FRMD4A: variants seen among roughly 807,000 people sequenced by gnomAD.
FRMD4A encodes the protein FERM domain containing 4A.
In FRMD4A, 29 loss-of-function variants were observed where a neutral mutation model predicts 129.1. That is an observed-to-expected ratio of 0.22 (90% CI 0.17 to 0.31). FRMD4A has a LOEUF of 0.31. FRMD4A is among the 10% of genes least tolerant of loss of function. The probability of loss-of-function intolerance (pLI) is 1.00; values close to 1 mark genes in which losing one functional copy is unlikely to be tolerated. For missense variants in FRMD4A, 1,272 were observed against 1,375.8 expected (o/e 0.92, Z 1.19); for synonymous variants, 634 against 571.6 (o/e 1.11, Z -1.56).
chr10:14,154,787 TC>T (rs944026193), intron 2 of FRMD4A, among the ~76,000 whole-genome samples: 22 of 152,338 alleles, frequency 1.4e-4, no homozygotes, highest in African/African-American at 5.3e-4. Flanking sequence ...ATTGCTTTTT[TC>T]CTACCCAACC....
At chr10:13,905,175 A>G (rs1342935394) in intron 2 of FRMD4A, among the ~76,000 whole-genome samples, 4 of 152,046 alleles carry the variant, frequency 2.6e-5, no homozygotes, top group Non-Finnish European at 5.9e-5. Context: ...TTTTGGGGAT[A>G]CCTGCAATGC....
chr10:13,673,390 T>G (rs2083680723), intron 16 of FRMD4A, among the ~76,000 whole-genome samples: 1 of 152,218 alleles, frequency 6.6e-6, no homozygotes, highest in Admixed American at 6.5e-5. Flanking sequence ...TTCTTCCCGC[T>G]GCAAGGCCTT....
At chr10:13,700,137 G>A (rs912675677) in intron 14 of FRMD4A, among the ~76,000 whole-genome samples, 2 of 151,480 alleles carry the variant, frequency 1.3e-5, no homozygotes, top group Non-Finnish European at 2.9e-5. Flanking sequence ...AGTAGAGATG[G>A]GGGTCTCACT....
intron 2 of FRMD4A, among the ~76,000 whole-genome samples, chr10:14,160,296 T>C (rs946927603): frequency 3.8e-4 from 57 of 151,848 alleles, no homozygotes; most frequent in African/African-American, 1.3e-3. Flanking sequence ...CATGCAAAAG[T>C]GAGTTAAAAG....
chr10:13,657,606 G>T, intron 21 of FRMD4A, 84 bp from the exon 22 acceptor site: 1 of 1,443,564 alleles, frequency 6.9e-7, no homozygotes, highest in Non-Finnish European at 9.1e-7. Context: ...GTCCTGAGGA[G>T]GGCACTGGGT....
At chr10:13,847,174 G>A (rs554630084) in intron 3 of FRMD4A, among the ~76,000 whole-genome samples, 55 of 152,290 alleles carry the variant, frequency 3.6e-4, no homozygotes, top group African/African-American at 7.2e-4. Context: ...AGGAATGATG[G>A]GCTTCGGTTG....
chr10:14,144,511 T>C (rs1201378618), intron 2 of FRMD4A, among the ~76,000 whole-genome samples: 1 of 152,152 alleles, frequency 6.6e-6, no homozygotes, highest in African/African-American at 2.4e-5. Context: ...AAACTGAAAA[T>C]TGGAAAACCC....
chr10:13,827,407 T>G (rs1396360373), intron 3 of FRMD4A, among the ~76,000 whole-genome samples: 3 of 152,168 alleles, frequency 2.0e-5, no homozygotes, highest in East Asian at 3.9e-4. Context: ...CCCGACAGGA[T>G]ATTCTGGGTG....
chr10:13,670,573 G>C, intron 16 of FRMD4A, 45 bp from the exon 17 acceptor site: 1 of 1,601,216 alleles, frequency 6.2e-7, no homozygotes, highest in Non-Finnish European at 8.5e-7. Flanking sequence ...AATCAGAGTG[G>C]GGCGTGTCTG....
intron 15 of FRMD4A, among the ~76,000 whole-genome samples, chr10:13,689,205 G>GTT (rs1366538148): frequency 2.6e-5 from 1 of 38,840 alleles, no homozygotes; most frequent in Non-Finnish European, 4.9e-5. Flanking sequence ...TTGCGGGGGG[G>GTT]GGGGGGGGGG....
At chr10:14,199,713 C>T (rs1272993876) in intron 2 of FRMD4A, among the ~76,000 whole-genome samples, 1 of 151,972 alleles carries the variant, frequency 6.6e-6, no homozygotes, top group East Asian at 1.9e-4. Context: ...CCTTTTATTC[C>T]TTTTAATTTC....
chr10:13,998,031 T>C (rs978979383), intron 2 of FRMD4A, among the ~76,000 whole-genome samples: 2 of 152,210 alleles, frequency 1.3e-5, no homozygotes, highest in African/African-American at 4.8e-5. Context: ...CATCATGCCC[T>C]TCTGGGATCC....
At chr10:13,952,805 T>C (rs1432338263) in intron 2 of FRMD4A, among the ~76,000 whole-genome samples, 1 of 152,196 alleles carries the variant, frequency 6.6e-6, no homozygotes, top group Non-Finnish European at 1.5e-5. Context: ...GTGATTCTCC[T>C]GCCTCAGCCT....
In FRMD4A at chr10:13,981,942, T is replaced by C. The variant is rs554975255; in HGVS notation, c.46-123030A>G. Among the ~76,000 whole-genome samples, 37 of 152,196 alleles carry C rather than the reference T, an allele frequency of 2.4e-4. No individual in the cohort carries two copies. The South Asian group carries it at 3.7e-3, about 15-fold the overall frequency. On this transcript the variant is annotated intron_variant, in intron 2 of 24. Transcript: ENST00000357447. ...CAGGTTACCTGCCGGATTATATGTA[T>C]TGGGGCTCAGAAAATGTTACTCAAA...
Position 14,137,144 on chromosome 10 carries a change from C to T in FRMD4A, c.45+192914G>A, listed in dbSNP as rs530908403. The stretch of plus-strand genomic sequence containing the variant: ...ACATGAGCAAATGTTCATAAGGCCT[C>T]GCCTCCACAGGAGTCTCCTCACTTC... On this transcript the variant is annotated intron_variant, in intron 2 of 24. Transcript: ENST00000357447. 1.4e-4 allele frequency among the ~76,000 whole-genome samples: 22 copies of T among 152,370 alleles called. No individual in the cohort carries two copies. The South Asian group carries it at 3.5e-3, about 24-fold the overall frequency.
Position 13,774,832 on chromosome 10 carries a change from T to C in FRMD4A, c.384+8090A>G, listed in dbSNP as rs547141480. Among the ~76,000 whole-genome samples, 23 of 150,796 alleles carry C rather than the reference T, an allele frequency of 1.5e-4. No homozygotes were observed. In the East Asian group the frequency reaches 2.9e-3, roughly 19 times the overall value. The stretch of plus-strand genomic sequence containing the variant: ...GGAAAAAAAGAGCTGGAAGGAAACA[T>C]AGAATAATAATGATAACTAATATTA... On this transcript the variant is annotated intron_variant, in intron 6 of 24. Coordinates refer to ENST00000357447, the MANE Select transcript of FRMD4A (RefSeq NM_018027.5).
At chr10:14,005,206 TA>T (rs1434189576) in intron 2 of FRMD4A, among the ~76,000 whole-genome samples, 1 of 152,092 alleles carries the variant, frequency 6.6e-6, no homozygotes, top group Non-Finnish European at 1.5e-5. Flanking sequence ...TGTATTTTAG[TA>T]CAGACAGGGT....
At chr10:14,005,216 G>T (rs578153989) in intron 2 of FRMD4A, among the ~76,000 whole-genome samples, 18 of 152,178 alleles carry the variant, frequency 1.2e-4, no homozygotes, top group African/African-American at 4.3e-4. Context: ...TACAGACAGG[G>T]TTTCACCATG....
At chr10:14,081,888 C>T (rs189932614) in intron 2 of FRMD4A, among the ~76,000 whole-genome samples, 2 of 152,344 alleles carry the variant, frequency 1.3e-5, no homozygotes, top group Admixed American at 6.5e-5. Context: ...TAACACATCA[C>T]TTTTATTAGG....
Sources: gnomAD v4.1 joint callset for allele counts (sites outside exome capture counted in the v4.1 genomes callset) on GRCh38, gnomAD v4.1.1 for gene constraint, MANE v1.5 for transcripts, NCBI Gene and HGNC (gene_info 2026-07-23, HGNC 2026-07-21) for gene names.